ADGRL3: variants seen among roughly 807,000 people sequenced by gnomAD.
The protein encoded by ADGRL3 is calcium-independent alpha-latrotoxin receptor 3.
Under a neutral mutation model 153.5 loss-of-function variants are expected in ADGRL3, and 62 were observed. That is an observed-to-expected ratio of 0.40 (90% confidence interval 0.33 to 0.50). The LOEUF (loss-of-function observed/expected upper bound fraction) is 0.50, where lower values mean the gene tolerates loss of function less well. Ranked by LOEUF, ADGRL3 falls within the 20% of genes least tolerant of loss-of-function variation. The probability of loss-of-function intolerance (pLI) is 0.47; values close to 1 mark genes in which losing one functional copy is unlikely to be tolerated. For missense variants in ADGRL3, 1,641 were observed against 1,859.4 expected, an observed-to-expected ratio of 0.88 and a Z score of 2.16; for synonymous variants, 710 against 672.5, an observed-to-expected ratio of 1.06 and a Z score of -0.86.
At chr4:61,975,229 G>C (rs1431033873) in intron 17 of ADGRL3, among the ~76,000 whole-genome samples, 1 of 152,124 alleles carries the variant, frequency 6.6e-6, no homozygotes, top group Admixed American at 6.6e-5. Context: ...ATACGGAAAA[G>C]GGGTCTGTAT....
intron 11 of ADGRL3, among the ~76,000 whole-genome samples, chr4:61,906,882 C>T (rs767321022): frequency 3.3e-5 from 5 of 151,990 alleles, no homozygotes; most frequent in Non-Finnish European, 7.4e-5. Context: ...CGATAACCTA[C>T]CTATTTAAAT....
At chr4:61,630,537 T>G (rs1331108921) in intron 5 of ADGRL3, among the ~76,000 whole-genome samples, 1 of 152,238 alleles carries the variant, frequency 6.6e-6, no homozygotes, top group South Asian at 2.1e-4. Context: ...CTTTTTATCC[T>G]TTACCCTCTT....
chr4:61,372,896 A>C (rs2096554753), intron 1 of ADGRL3, among the ~76,000 whole-genome samples: 1 of 151,858 alleles, frequency 6.6e-6, no homozygotes, highest in South Asian at 2.1e-4. Flanking sequence ...GTGGGGCAGG[A>C]CCCTCCGAGC....
chr4:61,952,655 A>G (rs1226948925), intron 17 of ADGRL3, among the ~76,000 whole-genome samples: 1 of 152,134 alleles, frequency 6.6e-6, no homozygotes, highest in Non-Finnish European at 1.5e-5. Context: ...TACAAACTCT[A>G]TTTTGTCAGA....
At chr4:61,304,158 C>T (rs1250401646) in intron 1 of ADGRL3, among the ~76,000 whole-genome samples, 1 of 152,154 alleles carries the variant, frequency 6.6e-6, no homozygotes, top group Non-Finnish European at 1.5e-5. Flanking sequence ...ACCTATGTTG[C>T]TTTTCTGCTG....
intron 9 of ADGRL3, among the ~76,000 whole-genome samples, chr4:61,856,465 T>C (rs2098265585): frequency 6.6e-6 from 1 of 150,568 alleles, no homozygotes; most frequent in Non-Finnish European, 1.5e-5. Context: ...TTTTCTTTTC[T>C]TTTCTTTTCT....
chr4:62,007,082 T>C (rs1216183772), intron 21 of ADGRL3, among the ~76,000 whole-genome samples: 1 of 151,820 alleles, frequency 6.6e-6, no homozygotes, highest in Non-Finnish European at 1.5e-5. Flanking sequence ...CTTCTTCAGC[T>C]CCAAGCATCA....
At chr4:61,554,598 A>G (rs985761083) in intron 4 of ADGRL3, among the ~76,000 whole-genome samples, 1 of 152,156 alleles carries the variant, frequency 6.6e-6, no homozygotes, top group Non-Finnish European at 1.5e-5. Flanking sequence ...TGTATGTGAC[A>G]GAGAGAGAGG....
intron 6 of ADGRL3, among the ~76,000 whole-genome samples, chr4:61,729,104 T>C (rs2096396850): frequency 6.6e-6 from 1 of 151,940 alleles, no homozygotes. Context: ...TTAGATACTG[T>C]GCTCACTACC....
intron 1 of ADGRL3, among the ~76,000 whole-genome samples, chr4:61,253,603 T>C (rs28399770): frequency 0.024 from 3,629 of 152,042 alleles, 140 homozygotes; most frequent in African/African-American, 0.08. Flanking sequence ...CATTAAAGCA[T>C]AGTGACTGTG....
chr4:61,506,085 A>G (rs972651144), intron 3 of ADGRL3, among the ~76,000 whole-genome samples: 17 of 152,088 alleles, frequency 1.1e-4, no homozygotes, highest in Non-Finnish European at 2.1e-4. Flanking sequence ...TAAGCCTTAG[A>G]GTTTAACTCC....
chr4:61,435,853 A>G (rs924424841), intron 2 of ADGRL3, among the ~76,000 whole-genome samples: 4 of 150,696 alleles, frequency 2.7e-5, no homozygotes, highest in Non-Finnish European at 4.4e-5. Context: ...TAGTAAAGTT[A>G]TCAATGGGAA....
chr4:61,286,503 G>T (rs1407201840), intron 1 of ADGRL3, among the ~76,000 whole-genome samples: 1 of 151,558 alleles, frequency 6.6e-6, no homozygotes, highest in East Asian at 1.9e-4. Context: ...CAGCATTTTA[G>T]ATATTGGCAG....
At chr4:61,872,143 C>A (rs980350392) in intron 9 of ADGRL3, among the ~76,000 whole-genome samples, 9 of 152,096 alleles carry the variant, frequency 5.9e-5, no homozygotes, top group African/African-American at 1.7e-4. Context: ...ACTTAGGTCT[C>A]AAGCAGCCTG....
chr4:61,278,668 A>G (rs2093592605), intron 1 of ADGRL3, among the ~76,000 whole-genome samples: 1 of 151,824 alleles, frequency 6.6e-6, no homozygotes, highest in East Asian at 1.9e-4. Flanking sequence ...CATGCCCACT[A>G]ATTTTTTTGT....
At chr4:61,946,359 T>C (rs2098924088) in intron 15 of ADGRL3, among the ~76,000 whole-genome samples, 1 of 152,192 alleles carries the variant, frequency 6.6e-6, no homozygotes, top group Non-Finnish European at 1.5e-5. Context: ...TTTCCTTTAT[T>C]TATTTTTCTA....
At chr4:61,319,357 T>C (rs886965774) in intron 1 of ADGRL3, among the ~76,000 whole-genome samples, 1 of 152,188 alleles carries the variant, frequency 6.6e-6, no homozygotes. Context: ...TTCTGCCCCA[T>C]ATGCCCAAGA....
At chr4:61,406,716 G>C (rs944110064) in intron 2 of ADGRL3, among the ~76,000 whole-genome samples, 2 of 151,826 alleles carry the variant, frequency 1.3e-5, no homozygotes, top group African/African-American at 2.4e-5. Context: ...GAGAGGCAAG[G>C]GTAGCTCAGA....
intron 2 of ADGRL3, chr4:61,426,884 A>T (rs898397692): frequency 1.3e-5 from 2 of 152,102 alleles, no homozygotes; most frequent in Middle Eastern, 3.2e-3. Flanking sequence ...ATCTCGGTCA[A>T]CCCCAGCCCA....
Sources: allele counts gnomAD v4.1 joint callset (sites outside exome capture counted in the v4.1 genomes callset), GRCh38; gene constraint gnomAD v4.1.1; transcripts MANE v1.5; gene names NCBI Gene and HGNC (gene_info 2026-07-23, HGNC 2026-07-21).